Variants in MAPKAP1 observed in about 807,000 individuals in gnomAD.
MAPKAP1 encodes MAPK associated protein 1.
MAPKAP1 carries 20 observed loss-of-function variants against 65.7 expected under a neutral mutation model. The observed-to-expected ratio is 0.30, with a 90% CI of 0.21 to 0.44. The LOEUF (loss-of-function observed/expected upper bound fraction) is 0.44, where lower values mean the gene tolerates loss of function less well. MAPKAP1 is among the 20% of genes least tolerant of loss of function. The probability of loss-of-function intolerance (pLI) is 1.00; values close to 1 mark genes in which losing one functional copy is unlikely to be tolerated. For synonymous variants in MAPKAP1, 222 were observed against 244.3 expected, an observed-to-expected ratio of 0.91 and a Z score of 0.85; for missense variants, 423 against 648.0, an observed-to-expected ratio of 0.65 and a Z score of 3.77.
At position 125,439,522 on chromosome 9, in the gene MAPKAP1, C is replaced by T. The variant is rs932368314; in HGVS notation, c.1444-510G>A. Among the ~76,000 whole-genome samples, 3 of 152,214 alleles carry T rather than the reference C, an allele frequency of 2.0e-5. No individual in the cohort carries two copies. The highest frequency in any genetic ancestry group is 7.2e-5 in the African/African-American group (3 of 41,462). ...GCTTCCTTCAGGGCTCATGAGTGCC[C>T]AGCCAGGCAGGGCTCACTTGACAAA... On this transcript the variant is annotated intron_variant, in intron 11 of 11. Transcript: ENST00000265960. This position sits in a 1 kb window ranked among gnomAD's most constrained non-coding sequence, Gnocchi z 4.0.
intron 5 of MAPKAP1, among the ~76,000 whole-genome samples, chr9:125,581,368 T>C (rs901476722): frequency 6.6e-6 from 1 of 152,262 alleles, no homozygotes; most frequent in African/African-American, 2.4e-5. Flanking sequence ...GCAATTGGTG[T>C]CATCACTATT....
At chr9:125,682,443 T>C (rs758746956) in intron 1 of MAPKAP1, among the ~76,000 whole-genome samples, 31 of 152,262 alleles carry the variant, frequency 2.0e-4, no homozygotes, top group Non-Finnish European at 4.4e-4. Flanking sequence ...TCAAAGTGTT[T>C]TGAAATAATG....
intron 1 of MAPKAP1, among the ~76,000 whole-genome samples, chr9:125,706,040 G>A (rs188261016): frequency 6.6e-6 from 1 of 152,108 alleles, no homozygotes; most frequent in Non-Finnish European, 1.5e-5. Context: ...ATGGGAAAGG[G>A]CTACCAGCAT....
At chr9:125,468,185 C>T (rs1434535426) in intron 9 of MAPKAP1, 76 bp from the exon 10 acceptor site, 3 of 1,492,206 alleles carry the variant, frequency 2.0e-6, no homozygotes, top group South Asian at 2.4e-5. Context: ...AATCATTTGA[C>T]CTGTTTTATA....
intron 5 of MAPKAP1, among the ~76,000 whole-genome samples, chr9:125,567,175 T>G (rs1490615626): frequency 6.6e-6 from 1 of 152,228 alleles, no homozygotes; most frequent in Non-Finnish European, 1.5e-5. Context: ...GACCCCTGCC[T>G]ACCTCTCGGT....
intron 5 of MAPKAP1, among the ~76,000 whole-genome samples, chr9:125,572,587 C>T (rs1831267843): frequency 6.6e-6 from 1 of 152,186 alleles, no homozygotes; most frequent in Non-Finnish European, 1.5e-5. Context: ...TAGGCTAACC[C>T]TGCTTATTCC....
intron 1 of MAPKAP1, among the ~76,000 whole-genome samples, chr9:125,693,720 CGTATAT>C (rs1564620353): frequency 3.0e-5 from 4 of 135,466 alleles, no homozygotes; most frequent in Admixed American, 1.5e-4. Flanking sequence ...CATATATACA[CGTATAT>C]ACACATATAT....
At chr9:125,672,720 T>C (rs916787362) in intron 1 of MAPKAP1, 77 bp from the exon 2 acceptor site, 6 of 847,274 alleles carry the variant, frequency 7.1e-6, no homozygotes, top group South Asian at 5.0e-5. Context: ...ACACATTCAG[T>C]GTAGTAAAAT....
intron 1 of MAPKAP1, among the ~76,000 whole-genome samples, chr9:125,690,679 T>A (rs1218071266): frequency 6.6e-6 from 1 of 152,150 alleles, no homozygotes. Flanking sequence ...CTAAGATGAA[T>A]CTTCAAAGAT....
intron 1 of MAPKAP1, among the ~76,000 whole-genome samples, chr9:125,688,474 A>C (rs1835057364): frequency 6.6e-6 from 1 of 152,162 alleles, no homozygotes. Flanking sequence ...CAGTGTACCA[A>C]ACATGAGGAT....
At chr9:125,649,511 A>AGAGG (rs1239791598) in intron 4 of MAPKAP1, among the ~76,000 whole-genome samples, 4 of 152,140 alleles carry the variant, frequency 2.6e-5, no homozygotes, top group Non-Finnish European at 1.5e-5. Context: ...CTGTCATCTG[A>AGAGG]GAGGAAGTGA....
At chr9:125,497,832 A>G (rs762079376) in intron 8 of MAPKAP1, among the ~76,000 whole-genome samples, 3 of 152,228 alleles carry the variant, frequency 2.0e-5, no homozygotes, top group Non-Finnish European at 4.4e-5. Context: ...GATGATGGGA[A>G]ATTCCACTTT....
At chr9:125,518,547 G>A (rs1829530379) in intron 7 of MAPKAP1, among the ~76,000 whole-genome samples, 1 of 152,160 alleles carries the variant, frequency 6.6e-6, no homozygotes, top group African/African-American at 2.4e-5. Flanking sequence ...GTGTGGAGCT[G>A]TAGTGTCAGC....
chr9:125,529,986 A>G (rs966069449), intron 7 of MAPKAP1, among the ~76,000 whole-genome samples: 1 of 152,220 alleles, frequency 6.6e-6, no homozygotes, highest in South Asian at 2.1e-4. Context: ...AATTTACTCA[A>G]AAAGAAAGAA....
chr9:125,693,763 G>GTA lies in MAPKAP1; in HGVS notation c.-70+13206_-70+13207dup, dbSNP rs1554844689. On this transcript the variant is annotated intron_variant, in intron 1 of 11. Coordinates refer to ENST00000265960, the MANE Select transcript of MAPKAP1 (RefSeq NM_001006617.3). ...CACGTATATATACACATATATACAC[G>GTA]TATATACACATATATACACGTATAT... 2.3e-4 allele frequency among the ~76,000 whole-genome samples: 17 copies of GTA among 73,018 alleles called. 1 individual carries two copies. Among genetic ancestry groups the GTA allele is most frequent in the East Asian group, 1.4e-3 (4 of 2,862 alleles). The allele number at this position is 73,018 out of a possible 152,430, so 47.9% of individuals were successfully genotyped here.
chr9:125,498,040 C>T (rs1049503366), intron 8 of MAPKAP1, among the ~76,000 whole-genome samples: 1 of 152,148 alleles, frequency 6.6e-6, no homozygotes, highest in East Asian at 1.9e-4. Context: ...TTACATCCTC[C>T]CCATAATGTA....
chr9:125,699,555 CAT>C (rs1835534475), intron 1 of MAPKAP1, among the ~76,000 whole-genome samples: 1 of 152,076 alleles, frequency 6.6e-6, no homozygotes, highest in Non-Finnish European at 1.5e-5. Flanking sequence ...CAACCTGTCA[CAT>C]GAGGTCAGGC....
rs1457151552 is a variant in MAPKAP1, at chr9:125,595,570, T to C, written c.499-9843A>G. 1 of 1,235,504 alleles carries C rather than the reference T, an allele frequency of 8.1e-7. No individual in the cohort carries two copies. 76.5% of individuals were successfully genotyped at this position (1,235,504 alleles called of 1,614,324 possible). ...ACAGATGGGATTCAGTTCAAAATAA[T>C]CTTGAATTAAGAAATATCATGCTAT... On this transcript the variant is annotated intron_variant, in intron 4 of 11. Transcript: ENST00000265960. This position sits in a 1 kb window ranked among gnomAD's most constrained non-coding sequence, Gnocchi z 4.0.
intron 6 of MAPKAP1, among the ~76,000 whole-genome samples, chr9:125,546,702 TG>T (rs1830434884): frequency 6.6e-6 from 1 of 152,104 alleles, no homozygotes; most frequent in African/African-American, 2.4e-5. Context: ...ACAATGGTCC[TG>T]GGGGGAGTGC....
Sources: gnomAD v4.1 joint callset for allele counts (sites outside exome capture counted in the v4.1 genomes callset) on GRCh38, gnomAD v4.1.1 for gene constraint, Gnocchi (gnomAD v3.1) non-coding constraint, MANE v1.5 for transcripts, NCBI Gene and HGNC (gene_info 2026-07-23, HGNC 2026-07-21) for gene names.